The following FCHO1 variants were observed in gnomAD, a reference collection of about 807,000 sequenced individuals.
FCHO1 encodes the protein FCH and mu domain containing endocytic adaptor 1.
A neutral mutation model predicts 114.4 loss-of-function variants in FCHO1; 45 were observed. The observed-to-expected ratio is 0.39, with a 90% confidence interval of 0.31 to 0.50. The LOEUF is 0.50. Ranked by LOEUF, FCHO1 falls within the 20% of genes least tolerant of loss-of-function variation. The pLI is 0.77. For synonymous variants in FCHO1, 480 were observed against 488.9 expected (o/e 0.98, Z 0.24); for missense variants, 1,042 against 1,209.6 (o/e 0.86, Z 2.06).
At chr19:17,755,787 C>T (rs575553293) in intron 4 of FCHO1, among the ~76,000 whole-genome samples, 2 of 152,262 alleles carry the variant, frequency 1.3e-5, no homozygotes, top group South Asian at 2.1e-4. Flanking sequence ...GGGAGGAGTC[C>T]CCAGTCTGGG....
chr19:17,779,506 G>A (rs147504238), intron 20 of FCHO1, among the ~76,000 whole-genome samples: 1,956 of 151,454 alleles, frequency 0.013, 18 homozygotes, highest in Non-Finnish European at 0.021. Context: ...TGGAAAGGTC[G>A]CTGCAGGGGA....
At chr19:17,748,200 C>T (rs749643929), upstream of FCHO1, among the ~76,000 whole-genome samples, 32 of 152,332 alleles carry the variant, frequency 2.1e-4, no homozygotes, top group Non-Finnish European at 4.4e-4. Context: ...ATGGGGACCA[C>T]CCGCAGATTC....
chr19:17,785,870 G>GTAGT (rs1568378401), intron 26 of FCHO1, among the ~76,000 whole-genome samples: 1 of 150,930 alleles, frequency 6.6e-6, no homozygotes, highest in Non-Finnish European at 1.5e-5. Context: ...GTGTGCTCTT[G>GTAGT]TAGTCCCAGC....
chr19:17,769,690 A>G (rs1418836013), intron 7 of FCHO1, among the ~76,000 whole-genome samples: 1 of 152,174 alleles, frequency 6.6e-6, no homozygotes, highest in Non-Finnish European at 1.5e-5. Context: ...TTGGGTTAGA[A>G]CAAGCATCTT....
Position 17,778,019 on chromosome 19 carries a change from A to G in FCHO1, c.1260-118A>G, listed in dbSNP as rs2092865154. The stretch of plus-strand genomic sequence containing the variant: ...GTGCCACTGCACTGCAGCCTGGCCG[A>G]CAGAGCAAGACTCCGTCTCAAAAAA... On this transcript the variant is annotated intron_variant, in intron 18 of 28. Transcript: ENST00000596536. 4.4e-6 allele frequency: 3 copies of G among 680,758 alleles called. No homozygotes were observed. In the East Asian group the frequency reaches 8.1e-5, roughly 18 times the overall value. 42.2% of individuals were successfully genotyped at this position (680,758 alleles called of 1,614,324 possible).
In FCHO1 at chr19:17,778,852, G is replaced by A; in HGVS notation, c.1595G>A (p.Gly532Asp). Residue 532 changes from glycine to aspartate, a missense_variant, in exon 20 of 29, where the codon GGC becomes GAC. Around this residue, in one of 3 missense-constraint regions of FCHO1, gnomAD observed 455 missense variants for 455.4 expected, o/e 1.00. Transcript: ENST00000596536. ...CCGCAGCCCCTCGCCTCGTCTCCAG[G>A]CCCCTGGGGGCTGGAGGCCTTGGCC... ...DSPQPLASSP[G>D]PWGLEALAGG... 6.4e-7 allele frequency: 1 copy of A among 1,565,474 alleles called. No homozygotes were observed.
intron 19 of FCHO1, 166 bp downstream of exon 19, chr19:17,778,394 G>T: frequency 1.3e-6 from 1 of 749,266 alleles, no homozygotes; most frequent in East Asian, 2.7e-5. Flanking sequence ...GCCATAGATA[G>T]GGTGGGGCCT....
In FCHO1 at chr19:17,775,659, C is replaced by T; in HGVS notation, c.1003+146C>T. ...GATGAAGCCAACCTAAATGTAAACA[C>T]CCACTCTATGGGGTCAGCACTGGGC... On this transcript the variant is annotated intron_variant, in intron 15 of 28. Transcript: ENST00000596536. The surrounding 1 kb of genome is among the most constrained non-coding windows in gnomAD (Gnocchi z 5.1). 1 of 803,880 alleles carries T rather than the reference C, an allele frequency of 1.2e-6. No homozygotes were observed. The allele number at this position is 803,880 out of a possible 1,614,324, so 49.8% of individuals were successfully genotyped here.
rs756039563 is a variant in FCHO1 at position 17,770,910 on chromosome 19, A to T, written c.594+14A>T. The T allele has an allele frequency of 6.2e-7, 1 of 1,606,614 alleles. No individual in the cohort carries two copies. The highest frequency in any genetic ancestry group is 1.1e-5 in the South Asian group (1 of 90,946). ...GACTCAGCCCTGGTAAGAACCAGGC[A>T]TCTGTACCTTTAAGACCCACACATG... On this transcript the variant is annotated intron_variant, in intron 9 of 28. Transcript: ENST00000596536.
Position 17,784,384 on chromosome 19 carries a change from G to A in FCHO1, c.2226+149G>A. ...AATCTGTGAGAGCCGATGAGCTGGA[G>A]GGAGTAGGCAGTGTGGGTCGGGAAT... On this transcript the variant is annotated intron_variant, in intron 25 of 28. Coordinates refer to ENST00000596536, the MANE Select transcript of FCHO1 (RefSeq NM_015122.3). The surrounding 1 kb of genome is among the most constrained non-coding windows in gnomAD (Gnocchi z 5.3). 1 of 1,023,078 alleles carries A rather than the reference G, an allele frequency of 9.8e-7. No individual in the cohort carries two copies. The highest frequency in any genetic ancestry group is 1.4e-6 in the Non-Finnish European group (1 of 708,788). The allele number at this position is 1,023,078 out of a possible 1,614,324, so 63.4% of individuals were successfully genotyped here. A position where few individuals can be genotyped will look rare whatever the true frequency, so the allele number is the denominator to read the frequency against.
At chr19:17,755,381 A>G (rs1438385903) in intron 4 of FCHO1, 190 bp downstream of exon 4, 2 of 568,240 alleles carry the variant, frequency 3.5e-6, no homozygotes, top group Admixed American at 3.4e-5. Flanking sequence ...AGGCCTTACA[A>G]CCTTGGGCAA....
In FCHO1 at chr19:17,775,587, C is replaced by T; in HGVS notation, c.1003+74C>T. On this transcript the variant is annotated intron_variant, in intron 15 of 28. Coordinates refer to ENST00000596536, the MANE Select transcript of FCHO1 (RefSeq NM_015122.3). The surrounding 1 kb of genome is among the most constrained non-coding windows in gnomAD (Gnocchi z 5.1). ...AAATTCTCCGTAATAACCAGTCCAC[C>T]TTCAGCAGTCCTCTCTGTGTACATC... is the stretch of plus-strand genomic sequence containing the variant. The T allele has an allele frequency of 5.3e-6, 7 of 1,329,900 alleles. No homozygotes were observed. The highest frequency in any genetic ancestry group is 7.6e-6 in the Non-Finnish European group (7 of 921,928). 82.4% of individuals were successfully genotyped at this position (1,329,900 alleles called of 1,614,324 possible).
rs1192999205 is a variant in FCHO1, at chr19:17,772,671, C to G, written c.720C>G (p.Ile240Met). 1.9e-6 allele frequency: 3 copies of G among 1,614,084 alleles called. No individual in the cohort carries two copies. The highest frequency in any genetic ancestry group is 3.3e-5 in the Admixed American group (2 of 60,000). Residue 240 changes from isoleucine (I) to methionine (M), a missense_variant, in exon 11 of 29, where the codon ATC (isoleucine) becomes ATG (methionine). Physicochemically the swap from Ile to Met is conservative, Grantham distance 10. Around this residue, in one of 3 missense-constraint regions of FCHO1, gnomAD observed 450 missense variants for 564.1 expected, o/e 0.80. Transcript: ENST00000596536. ...TGCATGAGGAATTTAAGCAGAACAT[C>G]GAGAACGTCAGCGTGGAGATGCTAC... The part of the protein sequence containing the change: ...GQVHEEFKQN[I>M]ENVSVEMLLR...
chr19:17,787,510 A>G (rs939040347), intron 27 of FCHO1, among the ~76,000 whole-genome samples, 172 bp from the exon 28 acceptor site: 2 of 152,068 alleles, frequency 1.3e-5, no homozygotes, highest in Non-Finnish European at 2.9e-5. Flanking sequence ...CTTGCTAGCC[A>G]TACAAAGCCC....
At chr19:17,764,978 C>T (rs1941521225) in intron 6 of FCHO1, among the ~76,000 whole-genome samples, 2 of 150,430 alleles carry the variant, frequency 1.3e-5, no homozygotes, top group African/African-American at 4.9e-5. Flanking sequence ...TCAGGAGAAT[C>T]GCTTGAACCC....
chr19:17,777,040 T>G (rs995290716), intron 18 of FCHO1, among the ~76,000 whole-genome samples: 12 of 151,710 alleles, frequency 7.9e-5, no homozygotes, highest in African/African-American at 2.9e-4. Flanking sequence ...TCAAGTGATC[T>G]GCCCACCTCG....
intron 13 of FCHO1, 90 bp from the exon 14 acceptor site, chr19:17,774,965 GC>G (rs2092407585): frequency 1.4e-6 from 2 of 1,442,506 alleles, no homozygotes; most frequent in East Asian, 2.3e-5. Flanking sequence ...TCTGGGAGCT[GC>G]CCCAGCTTCC....
rs943652364 is a variant in FCHO1, at chr19:17,776,848, C to G, written c.1259+162C>G. ...TGAGACAGAGTCTCACTCTGTCACC[C>G]AGGCTGGAGTGCGATTTCAGCTCAC... On this transcript the variant is annotated intron_variant, in intron 18 of 28. Transcript: ENST00000596536. The surrounding 1 kb of genome is among the most constrained non-coding windows in gnomAD (Gnocchi z 4.4). Among the ~76,000 whole-genome samples, 1 of 152,088 alleles carries G rather than the reference C, an allele frequency of 6.6e-6. No homozygotes were observed. Among genetic ancestry groups the G allele is most frequent in the African/African-American group, 2.4e-5 (1 of 41,412 alleles).
At chr19:17,759,760 C>T (rs2085334399) in intron 4 of FCHO1, among the ~76,000 whole-genome samples, 1 of 151,690 alleles carries the variant, frequency 6.6e-6, no homozygotes, top group South Asian at 2.1e-4. Flanking sequence ...TGGTGAAACC[C>T]TGTCTATACT....
Sources: gnomAD v4.1 joint callset for allele counts (sites outside exome capture counted in the v4.1 genomes callset) on GRCh38, gnomAD v4.1.1 for gene constraint, gnomAD v4.1.1 regional missense constraint, Gnocchi (gnomAD v3.1) non-coding constraint, MANE v1.5 for transcripts, NCBI Gene and HGNC (gene_info 2026-07-23, HGNC 2026-07-21) for gene names.